ZNF488: variants seen among roughly 807,000 people sequenced by gnomAD.
ZNF488 encodes the protein zinc finger protein 488.
In ZNF488, 1 loss-of-function variant was observed where a neutral mutation model predicts 1.2. The ratio of observed to expected loss-of-function variants is 0.86; its 90% CI spans 0.30 to 4.07. ZNF488 has a LOEUF of 4.07. Ranked by LOEUF, ZNF488 falls within the 30% of genes most tolerant of loss-of-function variation. The probability of loss-of-function intolerance (pLI) is 0.18; values close to 1 mark genes in which losing one functional copy is unlikely to be tolerated. For missense variants in ZNF488, 450 were observed against 437.9 expected (o/e 1.03, Z -0.25); for synonymous variants, 185 against 190.1 (o/e 0.97, Z 0.22).
In ZNF488 at chr10:47,368,264, A is replaced by G; in HGVS notation, c.566T>C (p.Leu189Pro). 1 of 1,614,238 alleles carries G rather than the reference A, an allele frequency of 6.2e-7. No homozygotes were observed. Among genetic ancestry groups the G allele is most frequent in the East Asian group, 2.2e-5 (1 of 44,876 alleles). The change falls in exon 2 of 2, where the codon CTG (leucine) becomes CCG (proline). Residue 189 changes from leucine (L) to proline (P), a missense_variant. By Grantham distance (98) the Leu-to-Pro change is moderately conservative (BLOSUM62 -3). Transcript: ENST00000585316. The part of the protein sequence containing the change: ...VFPAGESADA[L>P]GELSGLLNTT... Reference sequence around the variant, plus strand: ...GTTGAGGAGTCCAGACAGCTCCCCCAGGGCATCTGCAGATTCCCCTGCAGG... The same window carrying G: ...GTTGAGGAGTCCAGACAGCTCCCCCGGGGCATCTGCAGATTCCCCTGCAGG...
intron 1 of ZNF488, among the ~76,000 whole-genome samples, chr10:47,372,375 AACAGAGCCGGTGATGCTCAGGGGAGGG>A (rs1837503362): frequency 6.6e-6 from 1 of 152,162 alleles, no homozygotes; most frequent in Non-Finnish European, 1.5e-5. Flanking sequence ...ACTGGCCAAG[AACAGAGCCGGTGATGCTCAGGGGAGGG>A]ACACCCTCCT....
intron 1 of ZNF488, among the ~76,000 whole-genome samples, chr10:47,379,293 C>G (rs1232177500): frequency 6.6e-6 from 1 of 152,220 alleles, no homozygotes; most frequent in Non-Finnish European, 1.5e-5. Flanking sequence ...ATGCACTTAT[C>G]TCCAATCTGC....
At chr10:47,380,927 C>T (rs1268475679) in intron 1 of ZNF488, among the ~76,000 whole-genome samples, 1,333 of 74,524 alleles carry the variant, frequency 0.018, no homozygotes, top group African/African-American at 0.039. Context: ...GCTCAGTAAA[C>T]ATTAGGGGTA....
intron 1 of ZNF488, among the ~76,000 whole-genome samples, chr10:47,372,323 T>A (rs1327516656): frequency 6.6e-6 from 1 of 152,162 alleles, no homozygotes; most frequent in African/African-American, 2.4e-5. Context: ...CTGCCCATGC[T>A]TGAATGCAGG....
At chr10:47,371,286 C>A (rs114082196) in intron 1 of ZNF488, among the ~76,000 whole-genome samples, 1 of 151,600 alleles carries the variant, frequency 6.6e-6, no homozygotes, top group African/African-American at 2.4e-5. Flanking sequence ...ATAAAGACTA[C>A]GCAATAGTAT....
chr10:47,372,464 T>C (rs994216586), intron 1 of ZNF488, among the ~76,000 whole-genome samples: 2 of 117,896 alleles, frequency 1.7e-5, no homozygotes, highest in African/African-American at 6.5e-5. Flanking sequence ...TCCAGTAACA[T>C]GTCGCAAGGT....
intron 1 of ZNF488, among the ~76,000 whole-genome samples, chr10:47,371,938 C>A (rs1163110052): frequency 1.3e-5 from 2 of 152,098 alleles, no homozygotes; most frequent in African/African-American, 4.8e-5. Context: ...TAGAGAGACC[C>A]CTCCTCTGCC....
chr10:47,368,072 G>A lies in ZNF488; in HGVS notation c.758C>T (p.Ser253Leu), dbSNP rs782443730. 5.6e-6 allele frequency: 9 copies of A among 1,614,084 alleles called. 1 individual carries two copies. The highest frequency in any genetic ancestry group is 1.6e-4 in the Middle Eastern group (1 of 6,082). ...GAGGGCCCACGAAGTGGTGGAGGAT[G>A]ATGAGGGTGGGGGCACCTGGGCCTG... ...HTQAQVPPPSSSSTTSWALLP... is the reference protein window; with the variant it reads ...HTQAQVPPPSLSSTTSWALLP... Residue 253 changes from serine (S) to leucine (L), a missense_variant, in exon 2 of 2, where the codon TCA (serine) becomes TTA (leucine). Coordinates refer to ENST00000585316, the MANE Select transcript of ZNF488 (RefSeq NM_153034.4).
At chr10:47,382,115 T>C (rs1555215554) in intron 1 of ZNF488, among the ~76,000 whole-genome samples, 2 of 152,030 alleles carry the variant, frequency 1.3e-5, no homozygotes, top group African/African-American at 4.8e-5. Context: ...TCTTCATAAG[T>C]AAAACAAGAA....
Position 47,368,834 on chromosome 10 carries a change from C to A in ZNF488, c.-5G>T, listed in dbSNP as rs1003382003. On this transcript the variant is annotated 5_prime_UTR_variant, in exon 2 of 2. The change abolishes the stop of an existing upstream ORF in the 5' untranslated region. Transcript: ENST00000585316. ...GCAAGGTGGCCACTCTGGCATTCAT[C>A]AGTCTTTGGGGGTTTGGGGTTCTGG... The A allele has an allele frequency of 1.3e-6, 2 of 1,577,826 alleles. No individual in the cohort carries two copies. Among genetic ancestry groups the A allele is most frequent in the South Asian group, 2.4e-5 (2 of 83,148 alleles).
Position 47,368,173 on chromosome 10 carries a change from G to T in ZNF488, c.657C>A (p.Asn219Lys). 6.2e-7 allele frequency: 1 copy of T among 1,614,190 alleles called. No homozygotes were observed. The highest frequency in any genetic ancestry group is 8.5e-7 in the Non-Finnish European group (1 of 1,180,034). The change falls in exon 2 of 2, where the codon AAC (asparagine) becomes AAA (lysine). Residue 219 changes from asparagine to lysine, a missense_variant. Physicochemically the swap from Asn to Lys is moderately conservative, Grantham distance 94 (BLOSUM62 0). Transcript: ENST00000585316. ...GAGCATTCTGTGGCAATGCTTGCAAGTTCCACAAATCACCAACCAAAAGCT... is the reference window on the plus strand; with the variant it reads ...GAGCATTCTGTGGCAATGCTTGCAATTTCCACAAATCACCAACCAAAAGCT... ...TPKLLVGDLW[N>K]LQALPQNAPL...
Position 47,367,767 on chromosome 10 carries a change from G to A in ZNF488, c.*40C>T, listed in dbSNP as rs2132271553. Reference sequence around the variant, plus strand: ...CCCAGGGAGCCCCCCTCTGCCAAAGGCTGGCTGCTGCACCCAGCAGGTCAT... The same window carrying A: ...CCCAGGGAGCCCCCCTCTGCCAAAGACTGGCTGCTGCACCCAGCAGGTCAT... On this transcript the variant is annotated 3_prime_UTR_variant, in exon 2 of 2. Transcript: ENST00000585316. 1 of 1,568,036 alleles carries A rather than the reference G, an allele frequency of 6.4e-7. No individual in the cohort carries two copies. The highest frequency in any genetic ancestry group is 8.6e-7 in the Non-Finnish European group (1 of 1,157,894).
chr10:47,383,626 A>G (rs1354356789), intron 1 of ZNF488, among the ~76,000 whole-genome samples: 1 of 152,224 alleles, frequency 6.6e-6, no homozygotes, highest in Non-Finnish European at 1.5e-5. Flanking sequence ...TAATGTGATC[A>G]TTTGGTATTG....
intron 1 of ZNF488, among the ~76,000 whole-genome samples, chr10:47,380,643 C>G (rs1201864687): frequency 1.1e-4 from 17 of 152,288 alleles, no homozygotes; most frequent in African/African-American, 3.9e-4. Context: ...TGATCATTCA[C>G]TCATCTGGGA....
In ZNF488 at chr10:47,375,887, G is replaced by A. The variant is rs78658610; in HGVS notation, c.-108-6950C>T. On this transcript the variant is annotated intron_variant, in intron 1 of 1. Transcript: ENST00000585316. Reference sequence around the variant, plus strand: ...GCAGGAGGCCTCCAAAGGGCAGACAGATACAAAGAAAAGAGAGGGCAGAAA... The same window carrying A: ...GCAGGAGGCCTCCAAAGGGCAGACAAATACAAAGAAAAGAGAGGGCAGAAA... Among the ~76,000 whole-genome samples, 1,054 of 152,310 alleles carry A rather than the reference G, an allele frequency of 6.9e-3. 22 individuals are homozygous for A. Among genetic ancestry groups the A allele is most frequent in the African/African-American group, 0.024 (993 of 41,564 alleles).
rs782251748 is a variant in ZNF488, at chr10:47,368,017, C to A, written c.813G>T (p.Leu271Phe). 10 of 1,613,980 alleles carry A rather than the reference C, an allele frequency of 6.2e-6. No individual in the cohort carries two copies. Among genetic ancestry groups the A allele is most frequent in the Non-Finnish European group, 8.5e-6 (10 of 1,180,032 alleles). ...LLPPTLTSLG[L>F]STQNWCAKCN... ...ACTTTGCACACCAGTTCTGGGTGGACAAGCCCAGGGAGGTGAGGGTGGGTG... is the reference window on the plus strand; with the variant it reads ...ACTTTGCACACCAGTTCTGGGTGGAAAAGCCCAGGGAGGTGAGGGTGGGTG... Residue 271 changes from leucine to phenylalanine, a missense_variant, in exon 2 of 2, where the codon TTG (leucine) becomes TTT (phenylalanine). Leu to Phe is a conservative substitution (Grantham distance 22). Transcript: ENST00000585316.
intron 1 of ZNF488, among the ~76,000 whole-genome samples, chr10:47,369,897 G>A (rs1555213634): frequency 6.6e-6 from 1 of 152,226 alleles, no homozygotes; most frequent in East Asian, 1.9e-4. Flanking sequence ...CAAACTCTAA[G>A]AACCCAAATA....
chr10:47,368,561 G>A lies in ZNF488; in HGVS notation c.269C>T (p.Pro90Leu). The change falls in exon 2 of 2, where the codon CCC becomes CTC. Residue 90 changes from proline to leucine, a missense_variant. Pro to Leu is a moderately conservative substitution (Grantham distance 98, BLOSUM62 -3). Coordinates refer to ENST00000585316, the MANE Select transcript of ZNF488 (RefSeq NM_153034.4). ...CCTCTGCTCTCCACGTGTCTTCGGG[G>A]GCAGCGGCTTGCCAGGTCGGGGCTT... ...PGKPRPGKPL[P>L]PKTRGEQRQS... is the part of the protein sequence containing the mutation. 6.2e-7 allele frequency: 1 copy of A among 1,613,006 alleles called. No individual in the cohort carries two copies. The highest frequency in any genetic ancestry group is 1.1e-5 in the South Asian group (1 of 91,082).
chr10:47,384,046 G>C (rs1234885355), intron 1 of ZNF488, among the ~76,000 whole-genome samples, 174 bp downstream of exon 1: 1 of 152,220 alleles, frequency 6.6e-6, no homozygotes, highest in Non-Finnish European at 1.5e-5. Flanking sequence ...ATGGGACTCG[G>C]AGACGACGTG....
Sources: allele counts gnomAD v4.1 joint callset (sites outside exome capture counted in the v4.1 genomes callset), GRCh38; gene constraint gnomAD v4.1.1; transcripts MANE v1.5; gene names NCBI Gene and HGNC (gene_info 2026-07-23, HGNC 2026-07-21).